The following VPS13B variants were observed in gnomAD, a reference collection of about 807,000 sequenced individuals.
VPS13B encodes the protein vacuolar protein sorting 13 homolog B, also known as intermembrane lipid transfer protein VPS13B.
In VPS13B, 285 loss-of-function variants were observed where a neutral mutation model predicts 426.4. The observed-to-expected ratio is 0.67, with a 90% CI of 0.61 to 0.74. VPS13B has a LOEUF of 0.74. VPS13B is among the 30% of genes least tolerant of loss of function. The probability of loss-of-function intolerance (pLI) is 0.00; values close to 1 mark genes in which losing one functional copy is unlikely to be tolerated. For missense variants in VPS13B, 4,537 were observed against 4,782.6 expected, an observed-to-expected ratio of 0.95 and a Z score of 1.51; for synonymous variants, 1,676 against 1,676.4, an observed-to-expected ratio of 1.00 and a Z score of 0.01.
intron 34 of VPS13B, among the ~76,000 whole-genome samples, chr8:99,644,150 A>G (rs181182106): frequency 1.5e-3 from 230 of 152,322 alleles, no homozygotes; most frequent in Non-Finnish European, 2.9e-3. Context: ...ATTTGTAGAT[A>G]TGCAGAGATC....
At position 99,859,309 on chromosome 8, in the gene VPS13B, G is replaced by T. The variant is rs777314496; in HGVS notation, c.10873G>T (p.Val3625Leu). 6.8e-6 allele frequency: 11 copies of T among 1,613,500 alleles called. No individual in the cohort carries two copies. In the South Asian group the frequency reaches 9.9e-5, roughly 14 times the overall value. Residue 3625 changes from valine (V) to leucine (L), a missense_variant, in exon 57 of 62, where the codon GTA (valine) becomes TTA (leucine). By Grantham distance (32) the Val-to-Leu change is conservative. This residue lies in a region of VPS13B where 4,311 missense variants were observed against 4,474.3 expected (regional missense o/e 0.96). Transcript: ENST00000357162. ...TTCCCTCTTGTGCGTTGCAGGCTGG[G>T]TAGTTGGGTCTCTGGATATTCTTGG... ...AAGALFRAGWVVGSLDILGSP... is the reference protein window; with the variant it reads ...AAGALFRAGWLVGSLDILGSP...
At chr8:99,828,895 C>T (rs911170565) in intron 51 of VPS13B, among the ~76,000 whole-genome samples, 1 of 152,058 alleles carries the variant, frequency 6.6e-6, no homozygotes, top group Non-Finnish European at 1.5e-5. Flanking sequence ...TGGATTGAAA[C>T]ATTTTCTTTG....
chr8:99,301,224 AT>A (rs887215120), intron 19 of VPS13B, among the ~76,000 whole-genome samples: 135 of 151,688 alleles, frequency 8.9e-4, no homozygotes, highest in African/African-American at 3.0e-3. Flanking sequence ...CAAAAAAAAA[AT>A]TTTTTTTAAC....
chr8:99,135,126 A>G lies in VPS13B; in HGVS notation c.1414A>G (p.Arg472Gly). ...TAAAGATTTTGAAGAGAATATGAAT[A>G]GAAGTGAAACTGTAAGTCCGTTTCC... ...GVKDFEENMNRSETEACFFIC... is the reference protein window; with the variant it reads ...GVKDFEENMNGSETEACFFIC... Residue 472 changes from arginine (R) to glycine (G), a missense_variant, in exon 10 of 62, where the codon AGA becomes GGA. Around this residue, in one of 2 missense-constraint regions of VPS13B, gnomAD observed 4,311 missense variants for 4,474.3 expected, o/e 0.96. Transcript: ENST00000357162. The G allele has an allele frequency of 2.5e-6, 4 of 1,613,466 alleles. No homozygotes were observed. The highest frequency in any genetic ancestry group is 3.4e-6 in the Non-Finnish European group (4 of 1,179,504).
intron 33 of VPS13B, among the ~76,000 whole-genome samples, chr8:99,599,091 A>G (rs79347924): frequency 0.04 from 6,101 of 152,044 alleles, 133 homozygotes; most frequent in East Asian, 0.061. Context: ...ACTACATAAA[A>G]CACTATATTC....
chr8:99,668,983 G>A (rs1318399517), intron 35 of VPS13B, among the ~76,000 whole-genome samples: 1 of 152,038 alleles, frequency 6.6e-6, no homozygotes, highest in Non-Finnish European at 1.5e-5. Flanking sequence ...CCCAACCAAG[G>A]AAAATTCCCC....
chr8:99,192,987 G>C lies in VPS13B; in HGVS notation c.2445G>C (p.Trp815Cys). The change falls in exon 17 of 62, where the codon TGG becomes TGC. Residue 815 changes from tryptophan (W) to cysteine (C), a missense_variant. By Grantham distance (215) the Trp-to-Cys change is radical. Transcript: ENST00000357162. ...TCTTGCAAGCAATATATCAAAGTTG[G>C]TCTCATCTTGGAAATGTCAGCTCTT... is the stretch of plus-strand genomic sequence containing the variant. ...TLLLQAIYQS[W>C]SHLGNVSSSA... 3 of 1,613,678 alleles carry C rather than the reference G, an allele frequency of 1.9e-6. No individual in the cohort carries two copies. Among genetic ancestry groups the C allele is most frequent in the Non-Finnish European group, 2.5e-6 (3 of 1,179,822 alleles).
chr8:99,604,174 A>C (rs1352118043), intron 33 of VPS13B, among the ~76,000 whole-genome samples: 2 of 152,200 alleles, frequency 1.3e-5, no homozygotes, highest in African/African-American at 2.4e-5. Flanking sequence ...TAGCTCTTTT[A>C]AAATTTTTAA....
At chr8:99,120,987 C>T (rs769779050) in intron 7 of VPS13B, among the ~76,000 whole-genome samples, 190 bp from the exon 8 acceptor site, 13 of 152,040 alleles carry the variant, frequency 8.6e-5, no homozygotes, top group Non-Finnish European at 5.9e-5. Flanking sequence ...GAGAAAGATA[C>T]GGTACAACAT....
At position 99,341,166 on chromosome 8, in the gene VPS13B, G is replaced by A. The variant is rs548106599; in HGVS notation, c.2825-43042G>A. 1.4e-4 allele frequency: 33 copies of A among 241,794 alleles called. 1 individual carries two copies. The highest frequency in any genetic ancestry group is 2.4e-4 in the Admixed American group (5 of 21,230). 15.0% of individuals were successfully genotyped at this position (241,794 alleles called of 1,614,324 possible). On this transcript the variant is annotated intron_variant, in intron 19 of 61. Transcript: ENST00000357162. ...TAATGCACCTTCATGTTGGTGTGCC[G>A]CATAGTGTGGTGGTGGCAAGGCCTC... is the stretch of plus-strand genomic sequence containing the variant.
chr8:99,488,871 G>T (rs1016549050), intron 25 of VPS13B, among the ~76,000 whole-genome samples: 3 of 152,160 alleles, frequency 2.0e-5, no homozygotes, highest in Non-Finnish European at 2.9e-5. Flanking sequence ...TTGCTGTGCA[G>T]AAGATCTTTA....
At chr8:99,408,522 A>C (rs958145707) in intron 21 of VPS13B, among the ~76,000 whole-genome samples, 2 of 152,200 alleles carry the variant, frequency 1.3e-5, no homozygotes, top group Admixed American at 6.6e-5. Context: ...TTGGAGGACT[A>C]TAAGATGAAG....
intron 17 of VPS13B, among the ~76,000 whole-genome samples, chr8:99,215,975 T>G (rs1209063511): frequency 6.6e-6 from 1 of 152,198 alleles, no homozygotes; most frequent in East Asian, 1.9e-4. Context: ...TAAAATAATG[T>G]TTTCTAATGT....
At chr8:99,264,623 CTGTTTT>C (rs1185502915) in intron 17 of VPS13B, among the ~76,000 whole-genome samples, 1 of 151,942 alleles carries the variant, frequency 6.6e-6, no homozygotes, top group African/African-American at 2.4e-5. Flanking sequence ...TGTTTGTCAC[CTGTTTT>C]TGTTTTTATA....
intron 39 of VPS13B, among the ~76,000 whole-genome samples, chr8:99,765,236 C>T (rs1458290662): frequency 1.3e-5 from 2 of 152,158 alleles, no homozygotes; most frequent in Admixed American, 1.3e-4. Context: ...AAAAGCAAAA[C>T]TCTGTCTATA....
chr8:99,361,815 A>G (rs1305834202), intron 19 of VPS13B, among the ~76,000 whole-genome samples: 1 of 152,204 alleles, frequency 6.6e-6, no homozygotes, highest in Non-Finnish European at 1.5e-5. Context: ...GATAATGATG[A>G]TTATGATAAT....
intron 2 of VPS13B, among the ~76,000 whole-genome samples, chr8:99,017,860 T>C (rs1841700074): frequency 6.6e-6 from 1 of 152,184 alleles, no homozygotes; most frequent in East Asian, 1.9e-4. Context: ...GCTGTTAGTG[T>C]TTTTTGCTGA....
At chr8:99,709,397 A>T (rs1411345659) in intron 36 of VPS13B, among the ~76,000 whole-genome samples, 1 of 152,182 alleles carries the variant, frequency 6.6e-6, no homozygotes. Context: ...TTTCCAAAAC[A>T]AGTGGTTTGC....
intron 17 of VPS13B, among the ~76,000 whole-genome samples, chr8:99,214,144 G>GATC (rs1438851551): frequency 6.6e-6 from 1 of 152,104 alleles, no homozygotes; most frequent in Admixed American, 6.6e-5. Context: ...CAATTCTTGA[G>GATC]ATCAGGATTT....
Sources: gnomAD v4.1 joint callset for allele counts (sites outside exome capture counted in the v4.1 genomes callset) on GRCh38, gnomAD v4.1.1 for gene constraint, gnomAD v4.1.1 regional missense constraint, MANE v1.5 for transcripts, NCBI Gene and HGNC (gene_info 2026-07-23, HGNC 2026-07-21) for gene names.